Variants in RALGDS observed in about 807,000 individuals in gnomAD.
RALGDS encodes ral guanine nucleotide exchange factor.
Under a neutral mutation model 99.8 loss-of-function variants are expected in RALGDS, and 44 were observed. That is an observed-to-expected ratio of 0.44 (90% CI 0.35 to 0.57). The LOEUF (loss-of-function observed/expected upper bound fraction) is 0.57, where lower values mean the gene tolerates loss of function less well. RALGDS is among the 20% of genes least tolerant of loss of function. The pLI, the probability that RALGDS is intolerant of heterozygous loss-of-function variation, is 0.01. For synonymous variants in RALGDS, 529 were observed against 505.0 expected (o/e 1.05, Z -0.64); for missense variants, 1,022 against 1,203.1 (o/e 0.85, Z 2.23).
upstream of RALGDS, among the ~76,000 whole-genome samples, chr9:133,132,385 C>G (rs1190398251): frequency 6.6e-6 from 1 of 152,110 alleles, no homozygotes; most frequent in African/African-American, 2.4e-5. Flanking sequence ...TGCTGACTGC[C>G]TGGCCATGTG....
At chr9:133,134,377 T>C (rs571007113), upstream of RALGDS, among the ~76,000 whole-genome samples, 60 of 152,340 alleles carry the variant, frequency 3.9e-4, no homozygotes, top group African/African-American at 1.4e-3. Context: ...TAGAGCCTAG[T>C]CTGGCGCCGC....
At chr9:133,134,401 C>T (rs1235691454), upstream of RALGDS, among the ~76,000 whole-genome samples, 1 of 152,192 alleles carries the variant, frequency 6.6e-6, no homozygotes, top group African/African-American at 2.4e-5. Context: ...TAGCACACCT[C>T]AATGGGGACA....
At chr9:133,110,533 C>G in intron 2 of RALGDS, 44 bp from the exon 3 acceptor site, 1 of 1,541,846 alleles carries the variant, frequency 6.5e-7, no homozygotes, top group Non-Finnish European at 8.9e-7. Flanking sequence ...TGGCAGCACA[C>G]GAATCTCCTG....
chr9:133,106,851 C>A, intron 7 of RALGDS, 103 bp from the exon 8 acceptor site: 1 of 999,498 alleles, frequency 1.0e-6, no homozygotes. Context: ...AGACAGACAC[C>A]CAGGGAGTCC....
chr9:133,112,953 C>T (rs1275118415), intron 1 of RALGDS, among the ~76,000 whole-genome samples: 1 of 152,212 alleles, frequency 6.6e-6, no homozygotes, highest in Non-Finnish European at 1.5e-5. Flanking sequence ...AAACCACAGG[C>T]CTAGACTGGA....
chr9:133,124,185 C>T (rs1832074672), upstream of RALGDS, among the ~76,000 whole-genome samples: 1 of 150,548 alleles, frequency 6.6e-6, no homozygotes, highest in Non-Finnish European at 1.5e-5. Flanking sequence ...CAGACACACA[C>T]ACAGACCCAC....
upstream of RALGDS, among the ~76,000 whole-genome samples, chr9:133,125,117 CATG>C (rs939549252): frequency 4.1e-4 from 62 of 152,312 alleles, no homozygotes; most frequent in African/African-American, 1.4e-3. Context: ...GATTTTGGAT[CATG>C]ATGTCAGCAA....
chr9:133,104,904 C>G (rs541688523), intron 9 of RALGDS, among the ~76,000 whole-genome samples: 1 of 152,310 alleles, frequency 6.6e-6, no homozygotes, highest in South Asian at 2.1e-4. Context: ...CTCCCTTGAA[C>G]CTTCCATAAG....
At chr9:133,114,815 C>G (rs559638940) in intron 1 of RALGDS, among the ~76,000 whole-genome samples, 2 of 152,362 alleles carry the variant, frequency 1.3e-5, no homozygotes, top group African/African-American at 4.8e-5. Flanking sequence ...TCCCTGGGCT[C>G]TGGGACCCAG....
chr9:133,116,301 G>A (rs910679476), intron 1 of RALGDS, among the ~76,000 whole-genome samples: 4 of 152,382 alleles, frequency 2.6e-5, no homozygotes, highest in Admixed American at 6.5e-5. Context: ...CCACAGAGGC[G>A]GCCTCAGACC....
At chr9:133,115,956 G>A (rs763362051) in intron 1 of RALGDS, among the ~76,000 whole-genome samples, 1 of 152,262 alleles carries the variant, frequency 6.6e-6, no homozygotes, top group Non-Finnish European at 1.5e-5. Flanking sequence ...AGGCTCCTGC[G>A]ACAGTGCGGG....
In RALGDS at chr9:133,098,766, G is replaced by T. The variant is rs376268091; in HGVS notation, c.2570-4C>A. On this transcript the variant is annotated splice_region_variant and splice_polypyrimidine_tract_variant and intron_variant, in intron 17 of 17. Coordinates refer to ENST00000372050, the MANE Select transcript of RALGDS (RefSeq NM_006266.4). ...GCGTTTTCAGGGATCTTCAGCTCTGGTGGGGAGGGGCAGAGGGGTGATCAG... is the reference window on the plus strand; with the variant it reads ...GCGTTTTCAGGGATCTTCAGCTCTGTTGGGGAGGGGCAGAGGGGTGATCAG... 14 of 1,613,782 alleles carry T rather than the reference G, an allele frequency of 8.7e-6. No individual in the cohort carries two copies. In the African/African-American group the frequency reaches 1.7e-4, roughly 20 times the overall value.
intron 14 of RALGDS, 123 bp downstream of exon 14, chr9:133,102,351 CAG>C (rs746042428): frequency 4.5e-5 from 54 of 1,194,590 alleles, no homozygotes; most frequent in Non-Finnish European, 6.4e-5. Context: ...ATCCCAGTCT[CAG>C]GGCCAGTCAG....
At position 133,100,940 on chromosome 9, in the gene RALGDS, C is replaced by T. The variant is rs368643343; in HGVS notation, c.2455-558G>A. The T allele has an allele frequency of 6.9e-4, 718 of 1,043,788 alleles. 10 individuals are homozygous for T. The South Asian group carries it at 0.023, about 33-fold the overall frequency. The allele number at this position is 1,043,788 out of a possible 1,614,324, so 64.7% of individuals were successfully genotyped here. ...TGTGTGAATAATGGGGCACCTGACCCAGGGCTGGGGTACAGAGGGTGGGGG... is the reference window on the plus strand; with the variant it reads ...TGTGTGAATAATGGGGCACCTGACCTAGGGCTGGGGTACAGAGGGTGGGGG... On this transcript the variant is annotated intron_variant, in intron 16 of 17. Coordinates refer to ENST00000372050, the MANE Select transcript of RALGDS (RefSeq NM_006266.4).
intron 1 of RALGDS, among the ~76,000 whole-genome samples, chr9:133,143,540 G>A (rs946270059): frequency 9.2e-5 from 14 of 151,948 alleles, no homozygotes; most frequent in Admixed American, 2.6e-4. Flanking sequence ...GGAATCCCTT[G>A]AGCCCAGGTG....
intron 3 of RALGDS, 57 bp downstream of exon 3, chr9:133,110,239 G>A: frequency 6.5e-7 from 1 of 1,527,322 alleles, no homozygotes; most frequent in Non-Finnish European, 9.1e-7. Flanking sequence ...CCGCAGCCAG[G>A]TGGGGGTGGG....
Position 133,105,987 on chromosome 9 carries a change from G to T in RALGDS, c.1547C>A (p.Ser516Ter). 1 of 1,607,996 alleles carries T rather than the reference G, an allele frequency of 6.2e-7. No homozygotes were observed. Among genetic ancestry groups the T allele is most frequent in the Non-Finnish European group, 8.5e-7 (1 of 1,178,036 alleles). The change falls in exon 9 of 18, where the codon TCA becomes TAA. Residue 516 changes from serine (S) to a stop codon, truncating the protein, a stop_gained. Coordinates refer to ENST00000372050, the MANE Select transcript of RALGDS (RefSeq NM_006266.4). LOFTEE classifies it high-confidence loss of function. Reference protein sequence around the residue: ...RDSFRIFQKLSEIFSDENNYS... With the variant: ...RDSFRIFQKL ...GTTGTTCTCATCTGAGAAGATCTCT[G>T]ACAGCTTCTGAAAGATCCGGAAACT...
chr9:133,104,410 T>C (rs576121218), intron 9 of RALGDS, 79 bp from the exon 10 acceptor site: 6 of 1,349,424 alleles, frequency 4.4e-6, no homozygotes, highest in Admixed American at 1.7e-5. Flanking sequence ...GCTGCCAGTG[T>C]GGTCGGGTTC....
intron 1 of RALGDS, among the ~76,000 whole-genome samples, chr9:133,146,020 T>C (rs952804556): frequency 6.6e-6 from 1 of 152,184 alleles, no homozygotes; most frequent in Non-Finnish European, 1.5e-5. Context: ...GGCTGGGCAC[T>C]GGTGCTGTGA....
Sources: allele counts gnomAD v4.1 joint callset (sites outside exome capture counted in the v4.1 genomes callset), GRCh38; gene constraint gnomAD v4.1.1; transcripts MANE v1.5; gene names NCBI Gene and HGNC (gene_info 2026-07-23, HGNC 2026-07-21).